The following FGFR1OP2 variants were observed in gnomAD, a reference collection of about 807,000 sequenced individuals.
The protein encoded by FGFR1OP2 is FGFR1 oncogene partner 2, also known as fibroblast growth factor receptor 1 oncogene partner 2.
FGFR1OP2 carries 17 observed loss-of-function variants against 35.2 expected under a neutral mutation model. The ratio of observed to expected loss-of-function variants is 0.48; its 90% CI spans 0.33 to 0.73. The LOEUF (loss-of-function observed/expected upper bound fraction) is 0.73, where lower values mean the gene tolerates loss of function less well. Ranked by LOEUF, FGFR1OP2 falls within the 30% of genes least tolerant of loss-of-function variation. FGFR1OP2 has a pLI of 0.02. For synonymous variants in FGFR1OP2, 105 were observed against 104.6 expected (o/e 1.00, Z -0.03); for missense variants, 251 against 307.3 (o/e 0.82, Z 1.37).
chr12:26,954,149 A>G lies in FGFR1OP2; in HGVS notation c.-10A>G. On this transcript the variant is annotated 5_prime_UTR_variant, in exon 2 of 7. The change creates a new upstream start codon in the 5' untranslated region. Transcript: ENST00000229395. Reference sequence around the variant, plus strand: ...TGATTTTAATTTTAATTATAGATATATCTTTAGAAATGAGTTGCACAATTG... The same window carrying G: ...TGATTTTAATTTTAATTATAGATATGTCTTTAGAAATGAGTTGCACAATTG... The G allele has an allele frequency of 6.4e-7, 1 of 1,573,614 alleles. No homozygotes were observed. Among genetic ancestry groups the G allele is most frequent in the Non-Finnish European group, 8.6e-7 (1 of 1,161,506 alleles).
In FGFR1OP2 at chr12:26,956,762, T is replaced by C. The variant is rs1357361022; in HGVS notation, c.253+102T>C. On this transcript the variant is annotated intron_variant, in intron 3 of 6. Coordinates refer to ENST00000229395, the MANE Select transcript of FGFR1OP2 (RefSeq NM_015633.3). The stretch of plus-strand genomic sequence containing the variant: ...GTCCCACATATGAACATCTGCCTGG[T>C]TGACATCCTCTTAGATTCTCACCCT... 4.7e-5 allele frequency: 24 copies of C among 510,874 alleles called. No homozygotes were observed. The Admixed American group carries it at 4.7e-4, about 10-fold the overall frequency. 31.6% of individuals were successfully genotyped at this position (510,874 alleles called of 1,614,324 possible).
intron 4 of FGFR1OP2, 125 bp from the exon 5 acceptor site, chr12:26,960,390 C>T (rs1042866967): frequency 1.3e-5 from 7 of 538,448 alleles, no homozygotes; most frequent in African/African-American, 1.9e-5. Flanking sequence ...GAACAGATGC[C>T]TTTTTGGAAA....
Position 26,958,955 on chromosome 12 carries a change from A to G in FGFR1OP2, c.396+1212A>G, listed in dbSNP as rs1592253317. 2.6e-5 allele frequency among the ~76,000 whole-genome samples: 4 copies of G among 152,160 alleles called. No individual in the cohort carries two copies. In the South Asian group the frequency reaches 8.3e-4, roughly 31 times the overall value. The stretch of plus-strand genomic sequence containing the variant: ...ATGAGCCTTCTTTTCCCCATTTGTT[A>G]CAACAGAAATAGGAAAGGACATATT... On this transcript the variant is annotated intron_variant, in intron 4 of 6. Coordinates refer to ENST00000229395, the MANE Select transcript of FGFR1OP2 (RefSeq NM_015633.3).
At chr12:26,960,802 C>G (rs1939094521) in intron 5 of FGFR1OP2, 174 bp downstream of exon 5, 1 of 1,055,188 alleles carries the variant, frequency 9.5e-7, no homozygotes, top group Non-Finnish European at 1.3e-6. Context: ...TTAAATCTCT[C>G]ATTAATTTTC....
At chr12:26,950,210 G>GTTTTTTTTT (rs1555211390) in intron 1 of FGFR1OP2, among the ~76,000 whole-genome samples, 2 of 29,740 alleles carry the variant, frequency 6.7e-5, no homozygotes, top group Non-Finnish European at 1.1e-4. Flanking sequence ...TAATGTATTC[G>GTTTTTTTTT]TTGTTTTTTT....
intron 1 of FGFR1OP2, among the ~76,000 whole-genome samples, chr12:26,944,208 C>A (rs959758632): frequency 6.6e-6 from 1 of 152,116 alleles, no homozygotes; most frequent in East Asian, 1.9e-4. Context: ...ACATAGACAA[C>A]AATGTTGGTT....
rs937611461 is a variant in FGFR1OP2 at position 26,963,334 on chromosome 12, T to G, written c.511-8T>G. On this transcript the variant is annotated splice_region_variant and splice_polypyrimidine_tract_variant and intron_variant, in intron 5 of 6. Coordinates refer to ENST00000229395, the MANE Select transcript of FGFR1OP2 (RefSeq NM_015633.3). ...TGCTGATTTCCAACTCCCATCCCTC[T>G]TTTTCAGGAACTGCAAGCACATGTT... 1 of 1,573,660 alleles carries G rather than the reference T, an allele frequency of 6.4e-7. No homozygotes were observed. Among genetic ancestry groups the G allele is most frequent in the African/African-American group, 1.4e-5 (1 of 73,516 alleles).
intron 1 of FGFR1OP2, among the ~76,000 whole-genome samples, chr12:26,945,958 A>C (rs971732421): frequency 6.6e-6 from 1 of 152,106 alleles, no homozygotes; most frequent in Non-Finnish European, 1.5e-5. Context: ...ATCCTCATGA[A>C]TATCTTGAGC....
chr12:26,963,248 C>T, intron 5 of FGFR1OP2, 94 bp from the exon 6 acceptor site: 1 of 650,932 alleles, frequency 1.5e-6, no homozygotes, highest in Admixed American at 2.9e-5. Flanking sequence ...TAAGAATATT[C>T]ATGTTAAGTG....
chr12:26,957,247 TC>T (rs1177739055), intron 3 of FGFR1OP2, among the ~76,000 whole-genome samples: 1 of 152,190 alleles, frequency 6.6e-6, no homozygotes, highest in Non-Finnish European at 1.5e-5. Flanking sequence ...ACCAGTTTCT[TC>T]CCATAGACAT....
At chr12:26,953,339 T>TA (rs1938967633) in intron 1 of FGFR1OP2, among the ~76,000 whole-genome samples, 1 of 151,308 alleles carries the variant, frequency 6.6e-6, no homozygotes, top group African/African-American at 2.4e-5. Context: ...AGGAGAAACT[T>TA]AAAGTTTTGG....
chr12:26,960,122 A>G (rs1346240525), intron 4 of FGFR1OP2, among the ~76,000 whole-genome samples: 1 of 151,588 alleles, frequency 6.6e-6, no homozygotes, highest in Admixed American at 6.6e-5. Context: ...TAAAAGCACA[A>G]AAAGTATGGT....
At position 26,963,421 on chromosome 12, in the gene FGFR1OP2, G is replaced by A. The variant is rs1939132060; in HGVS notation, c.590G>A (p.Gly197Asp). ...GCCATTGAAATTGACGAGCAACAGG[G>A]TTGCAAGGAACAAGAACGAATATTT... is the stretch of plus-strand genomic sequence containing the variant. ...RKAIEIDEQQ[G>D]CKEQERIFQL... The change falls in exon 6 of 7, where the codon GGT becomes GAT. Residue 197 changes from glycine to aspartate, a missense_variant. By Grantham distance (94) the Gly-to-Asp change is moderately conservative. Transcript: ENST00000229395. 2.5e-6 allele frequency: 4 copies of A among 1,606,882 alleles called. No homozygotes were observed. In the East Asian group the frequency reaches 6.7e-5, roughly 27 times the overall value.
Position 26,960,596 on chromosome 12 carries a change from C to A in FGFR1OP2, c.478C>A (p.Leu160Met), listed in dbSNP as rs775477929. Residue 160 changes from leucine (L) to methionine (M), a missense_variant, in exon 5 of 7, where the codon CTG becomes ATG. Coordinates refer to ENST00000229395, the MANE Select transcript of FGFR1OP2 (RefSeq NM_015633.3). ...CATCCTTGAAGCACCTCAACATGGACTGGAGAGAAGGCACTTGGAAGCAAA... is the reference window on the plus strand; with the variant it reads ...CATCCTTGAAGCACCTCAACATGGAATGGAGAGAAGGCACTTGGAAGCAAA... ...RHILEAPQHGLERRHLEANQN... is the reference protein window; with the variant it reads ...RHILEAPQHGMERRHLEANQN... 3 of 1,613,304 alleles carry A rather than the reference C, an allele frequency of 1.9e-6. No homozygotes were observed. The highest frequency in any genetic ancestry group is 2.5e-6 in the Non-Finnish European group (3 of 1,179,584).
At chr12:26,961,855 T>TA (rs1185182362) in intron 5 of FGFR1OP2, 3 of 152,248 alleles carry the variant, frequency 2.0e-5, no homozygotes, top group African/African-American at 7.2e-5. Context: ...TCATTACCCT[T>TA]ACTCAGTTTG....
intron 4 of FGFR1OP2, among the ~76,000 whole-genome samples, chr12:26,958,790 A>G (rs914073308): frequency 6.6e-6 from 1 of 152,202 alleles, no homozygotes; most frequent in Non-Finnish European, 1.5e-5. Context: ...CCTTTCTCAC[A>G]TATTTATTTT....
rs552014590 is a variant in FGFR1OP2 at position 26,958,859 on chromosome 12, G to A, written c.396+1116G>A. ...ATAATAAACTAGATTGTGGAAACTA[G>A]ACTGTTACCTGTATTAGATAATGGT... On this transcript the variant is annotated intron_variant, in intron 4 of 6. Transcript: ENST00000229395. Among the ~76,000 whole-genome samples, 52 of 152,246 alleles carry A rather than the reference G, an allele frequency of 3.4e-4. 1 individual carries two copies. In the South Asian group the frequency reaches 0.01, roughly 30 times the overall value.
At chr12:26,961,991 A>G (rs1020023093) in intron 5 of FGFR1OP2, 2 of 152,232 alleles carry the variant, frequency 1.3e-5, no homozygotes, top group African/African-American at 4.8e-5. Context: ...TCCTACCATA[A>G]TCTAATTCAA....
At chr12:26,963,479 G>A in intron 6 of FGFR1OP2, 24 bp downstream of exon 6, 1 of 1,418,634 alleles carries the variant, frequency 7.0e-7, no homozygotes, top group Non-Finnish European at 9.9e-7. Flanking sequence ...TGCAAATGTA[G>A]ATGAAAACTG....
Sources: gnomAD v4.1 joint callset for allele counts (sites outside exome capture counted in the v4.1 genomes callset) on GRCh38, gnomAD v4.1.1 for gene constraint, MANE v1.5 for transcripts, NCBI Gene and HGNC (gene_info 2026-07-23, HGNC 2026-07-21) for gene names.